The following ST6GALNAC4 variants were observed in gnomAD, a reference collection of about 807,000 sequenced individuals.
The protein encoded by ST6GALNAC4 is alpha-N-acetyl-neuraminyl-2,3-beta-galactosyl-1,3-N-acetyl-galactosaminide alpha-2,6-sialyltransferase.
Under a neutral mutation model 30.4 loss-of-function variants are expected in ST6GALNAC4, and 24 were observed. The observed-to-expected ratio is 0.79, with a 90% confidence interval of 0.57 to 1.11. The LOEUF is 1.11. ST6GALNAC4 is among the 50% of genes most tolerant of loss of function. ST6GALNAC4 has a pLI of 0.00. For synonymous variants in ST6GALNAC4, 156 were observed against 179.7 expected (o/e 0.87, Z 1.05); for missense variants, 365 against 430.1 (o/e 0.85, Z 1.34).
At chr9:127,908,662 C>A in intron 5 of ST6GALNAC4, 81 bp from the exon 6 acceptor site, 2 of 1,342,152 alleles carry the variant, frequency 1.5e-6, no homozygotes, top group Non-Finnish European at 9.9e-7. Context: ...TTGACCACCC[C>A]TCGCCAGGCC....
At chr9:127,908,980 C>T (rs1831006467) in intron 5 of ST6GALNAC4, among the ~76,000 whole-genome samples, 2 of 152,240 alleles carry the variant, frequency 1.3e-5, no homozygotes, top group Admixed American at 1.3e-4. Context: ...TGCACGCCCA[C>T]CTCCCCATCA....
At chr9:127,910,234 C>T in intron 4 of ST6GALNAC4, 176 bp from the exon 5 acceptor site, 2 of 1,405,930 alleles carry the variant, frequency 1.4e-6, no homozygotes, top group Non-Finnish European at 1.9e-6. Flanking sequence ...CAGTGGGTGA[C>T]AGGCAGAGCG....
rs532353631 is a variant in ST6GALNAC4, at chr9:127,913,811, G to T, written c.198+845C>A. Among the ~76,000 whole-genome samples the T allele has an allele frequency of 3.9e-5, 6 of 152,120 alleles. No homozygotes were observed. The East Asian group carries it at 9.7e-4, about 25-fold the overall frequency. On this transcript the variant is annotated intron_variant, in intron 3 of 5. Coordinates refer to ENST00000335791, the MANE Select transcript of ST6GALNAC4 (RefSeq NM_175039.4). ...CATGAGCCTGTAGTCCCAGGGCAGG[G>T]CTAGGGCAGGCACATGGACGGGGTG...
At chr9:127,914,090 A>G (rs960559570) in intron 3 of ST6GALNAC4, among the ~76,000 whole-genome samples, 17 of 151,006 alleles carry the variant, frequency 1.1e-4, no homozygotes, top group African/African-American at 4.2e-4. Flanking sequence ...TCTCAAACAA[A>G]CAAACAAAAA....
intron 3 of ST6GALNAC4, 23 bp from the exon 4 acceptor site, chr9:127,912,703 G>C: frequency 6.5e-7 from 1 of 1,536,186 alleles, no homozygotes. Context: ...CAGGGAGAAA[G>C]AGACAGAGAG....
At chr9:127,908,771 T>C (rs1831001223) in intron 5 of ST6GALNAC4, among the ~76,000 whole-genome samples, 190 bp from the exon 6 acceptor site, 1 of 151,818 alleles carries the variant, frequency 6.6e-6, no homozygotes. Flanking sequence ...TGGCTCTGCC[T>C]CTTGCAAGCT....
At chr9:127,913,247 G>C (rs959331157) in intron 3 of ST6GALNAC4, among the ~76,000 whole-genome samples, 1 of 152,232 alleles carries the variant, frequency 6.6e-6, no homozygotes, top group Non-Finnish European at 1.5e-5. Context: ...CCAAGTCACC[G>C]GCCTCTGTGC....
chr9:127,910,935 G>A (rs753243708), intron 4 of ST6GALNAC4, among the ~76,000 whole-genome samples: 6 of 152,204 alleles, frequency 3.9e-5, no homozygotes, highest in Non-Finnish European at 5.9e-5. Flanking sequence ...GATAAAGAAT[G>A]CCAGGGCGGG....
At chr9:127,908,608 T>G (rs1588672620) in intron 5 of ST6GALNAC4, 27 bp from the exon 6 acceptor site, 1 of 1,533,836 alleles carries the variant, frequency 6.5e-7, no homozygotes, top group East Asian at 2.3e-5. Flanking sequence ...AGGGCTGGGG[T>G]GGGACAGAAC....
chr9:127,915,883 C>G (rs1275128752), intron 2 of ST6GALNAC4: 2 of 158,632 alleles, frequency 1.3e-5, no homozygotes, highest in East Asian at 3.6e-4. Context: ...ATCACCCCAC[C>G]TGCCCCGGCG....
chr9:127,909,880 C>T (rs1262236968), intron 5 of ST6GALNAC4, 71 bp downstream of exon 5: 3 of 1,470,766 alleles, frequency 2.0e-6, no homozygotes, highest in African/African-American at 2.8e-5. Flanking sequence ...CTCCCAAATC[C>T]TCTGGTTTAA....
rs370000701 is a variant in ST6GALNAC4 at position 127,912,597 on chromosome 9, G to A, written c.282C>T (p.Ile94=). Reference sequence around the variant, plus strand: ...TGCGGAACACGCACTCGGCACTGTCGATCTCAGCACCCAGGCCTGAGCCCA... The same window carrying A: ...TGCGGAACACGCACTCGGCACTGTCAATCTCAGCACCCAGGCCTGAGCCCA... ...QMLGSGLGAE[I]DSAECVFRMN... is the part of the protein sequence containing the mutation. The change falls in exon 4 of 6, where the codon ATC becomes ATT. Residue 94 remains isoleucine, a synonymous_variant. Coordinates refer to ENST00000335791, the MANE Select transcript of ST6GALNAC4 (RefSeq NM_175039.4). 15 of 1,609,528 alleles carry A rather than the reference G, an allele frequency of 9.3e-6. No individual in the cohort carries two copies. In the African/African-American group the frequency reaches 1.3e-4, roughly 14 times the overall value.
At position 127,914,826 on chromosome 9, in the gene ST6GALNAC4, T is replaced by G. The variant is rs778265427; in HGVS notation, c.28A>C (p.Ile10Leu). 7.2e-6 allele frequency: 11 copies of G among 1,522,754 alleles called. No individual in the cohort carries two copies. The African/African-American group carries it at 1.4e-4, about 19-fold the overall frequency. The allele number at this position is 1,522,754 out of a possible 1,614,324, so 94.3% of individuals were successfully genotyped here. Residue 10 changes from isoleucine (I) to leucine (L), a missense_variant, in exon 3 of 6, where the codon ATC becomes CTC. Coordinates refer to ENST00000335791, the MANE Select transcript of ST6GALNAC4 (RefSeq NM_175039.4). ...GAGAAGACCACGGAGCACAGGATGATGAGCACGAGCCGACCCTGAGGGAGA... is the reference window on the plus strand; with the variant it reads ...GAGAAGACCACGGAGCACAGGATGAGGAGCACGAGCCGACCCTGAGGGAGA... The part of the protein sequence containing the change: MKAPGRLVL[I>L]ILCSVVFSAV...
rs1831211949 is a variant in ST6GALNAC4 at position 127,917,038 on chromosome 9, G to GGGGGC, written c.-289_-288insGCCCC. The GGGGGC allele has an allele frequency of 6.5e-6, 1 of 152,858 alleles. No homozygotes were observed. Among genetic ancestry groups the GGGGGC allele is most frequent in the Admixed American group, 6.6e-5 (1 of 15,244 alleles). The allele number at this position is 152,858 out of a possible 1,614,324, so 9.5% of individuals were successfully genotyped here. ...AAGCTGATCCGCGCGGCCAGAGGCAGGGGGCGGGGCCGGGGCCGGGGCCGG... is the reference window on the plus strand; with the variant it reads ...AAGCTGATCCGCGCGGCCAGAGGCAGGGGGCGGGGCGGGGCCGGGGCCGGGGCCGG... On this transcript the variant is annotated 5_prime_UTR_variant, in exon 1 of 6. Transcript: ENST00000335791.
At chr9:127,909,581 T>C (rs1831027617) in intron 5 of ST6GALNAC4, among the ~76,000 whole-genome samples, 1 of 150,976 alleles carries the variant, frequency 6.6e-6, no homozygotes, top group African/African-American at 2.4e-5. Context: ...TTAGGCCCTA[T>C]ATATATAGGC....
chr9:127,913,574 C>T (rs1831126715), intron 3 of ST6GALNAC4, among the ~76,000 whole-genome samples: 1 of 151,792 alleles, frequency 6.6e-6, no homozygotes, highest in Non-Finnish European at 1.5e-5. Flanking sequence ...ACAGAGTGAG[C>T]TCTTGTCTAA....
chr9:127,909,897 G>T, intron 5 of ST6GALNAC4, 54 bp downstream of exon 5: 1 of 1,558,384 alleles, frequency 6.4e-7, no homozygotes, highest in Non-Finnish European at 8.8e-7. Context: ...TTAAGGCCTA[G>T]GAGGGCTCAC....
chr9:127,915,838 T>C (rs546910367), intron 2 of ST6GALNAC4: 3 of 157,352 alleles, frequency 1.9e-5, no homozygotes, highest in African/African-American at 7.2e-5. Flanking sequence ...TCTCCAAAAA[T>C]CAGAAGTGGG....
At chr9:127,915,579 G>A (rs1261513223) in intron 2 of ST6GALNAC4, among the ~76,000 whole-genome samples, 5 of 152,400 alleles carry the variant, frequency 3.3e-5, no homozygotes, top group Non-Finnish European at 7.3e-5. Context: ...ATTGGAACCA[G>A]GAAGCTCTTC....
Sources: gnomAD v4.1 joint callset for allele counts (sites outside exome capture counted in the v4.1 genomes callset) on GRCh38, gnomAD v4.1.1 for gene constraint, MANE v1.5 for transcripts, NCBI Gene and HGNC (gene_info 2026-07-23, HGNC 2026-07-21) for gene names.